ADAMTS2: variants seen among roughly 807,000 people sequenced by gnomAD.
ADAMTS2 encodes A disintegrin and metalloproteinase with thrombospondin motifs 2.
In ADAMTS2, 50 loss-of-function variants were observed where a neutral mutation model predicts 123.0. That is an observed-to-expected ratio of 0.41 (90% CI 0.32 to 0.51). The LOEUF (loss-of-function observed/expected upper bound fraction) is 0.51. Ranked by LOEUF, ADAMTS2 falls within the 20% of genes least tolerant of loss-of-function variation. ADAMTS2 has a pLI of 0.35. For missense variants in ADAMTS2, 1,494 were observed against 1,705.2 expected (o/e 0.88, Z 2.18); for synonymous variants, 678 against 695.4 (o/e 0.98, Z 0.39).
chr5:179,200,170 G>C (rs1435127037), intron 4 of ADAMTS2, among the ~76,000 whole-genome samples: 2 of 151,942 alleles, frequency 1.3e-5, no homozygotes, highest in East Asian at 3.9e-4. Flanking sequence ...AGATATTGAG[G>C]GGAAATAAGA....
intron 2 of ADAMTS2, among the ~76,000 whole-genome samples, chr5:179,320,386 C>T (rs2036688): frequency 0.14 from 21,944 of 152,076 alleles, 1,791 homozygotes; most frequent in African/African-American, 0.22. Context: ...TGACTCACTG[C>T]GAGCTCCACC....
At chr5:179,149,743 C>T (rs796599972) in intron 10 of ADAMTS2, among the ~76,000 whole-genome samples, 13 of 152,346 alleles carry the variant, frequency 8.5e-5, no homozygotes, top group African/African-American at 3.1e-4. Context: ...ATTCTGACAG[C>T]AGCCCGGGAG....
At chr5:179,154,337 C>T in intron 7 of ADAMTS2, 145 bp from the exon 8 acceptor site, 1 of 1,193,080 alleles carries the variant, frequency 8.4e-7, no homozygotes, top group African/African-American at 1.5e-5. Context: ...CACCGACCAT[C>T]TACCTGCTGC....
intron 21 of ADAMTS2, among the ~76,000 whole-genome samples, chr5:179,116,788 C>T (rs985213965): frequency 6.6e-6 from 1 of 152,156 alleles, no homozygotes; most frequent in Non-Finnish European, 1.5e-5. Context: ...GACTTCGGCC[C>T]TGAGCTTCTA....
intron 2 of ADAMTS2, among the ~76,000 whole-genome samples, chr5:179,315,155 C>G (rs1365644552): frequency 7.2e-6 from 1 of 138,948 alleles, no homozygotes. Flanking sequence ...CTCAGACCCT[C>G]CCACCTAACA....
At chr5:179,286,718 CA>C (rs1756031594) in intron 2 of ADAMTS2, among the ~76,000 whole-genome samples, 1 of 152,182 alleles carries the variant, frequency 6.6e-6, no homozygotes, top group Non-Finnish European at 1.5e-5. Flanking sequence ...GCAGCCATCA[CA>C]GGGCAGCACA....
Position 179,225,610 on chromosome 5 carries a change from G to C in ADAMTS2, c.689-17895C>G, listed in dbSNP as rs531925747. Among the ~76,000 whole-genome samples the C allele has an allele frequency of 6.6e-6, 1 of 152,144 alleles. No individual in the cohort carries two copies. Among genetic ancestry groups the C allele is most frequent in the Non-Finnish European group, 1.5e-5 (1 of 68,020 alleles). On this transcript the variant is annotated intron_variant, in intron 3 of 21. Transcript: ENST00000251582. This position sits in a 1 kb window ranked among gnomAD's most constrained non-coding sequence, Gnocchi z 4.5. The stretch of plus-strand genomic sequence containing the variant: ...CAGGCGGCTGGACGTCGAGAGGAAC[G>C]CACCAACGAGCACCAGCACGCTGCA...
In ADAMTS2 at chr5:179,303,447, T is replaced by C. The variant is rs774043585; in HGVS notation, c.535-30383A>G. Among the ~76,000 whole-genome samples the C allele has an allele frequency of 1.6e-4, 25 of 152,296 alleles. No homozygotes were observed. The highest frequency in any genetic ancestry group is 2.8e-4 in the Non-Finnish European group (19 of 68,024). On this transcript the variant is annotated intron_variant, in intron 2 of 21. Transcript: ENST00000251582. This position sits in a 1 kb window ranked among gnomAD's most constrained non-coding sequence, Gnocchi z 4.7. Reference sequence around the variant, plus strand: ...CAGATTGGGGAAGAAGACTAGAATGTGAGGTTCAGCAAACCCGCAGAGTTT... The same window carrying C: ...CAGATTGGGGAAGAAGACTAGAATGCGAGGTTCAGCAAACCCGCAGAGTTT...
At position 179,181,017 on chromosome 5, in the gene ADAMTS2, A is replaced by C; in HGVS notation, c.975+55T>G. Reference sequence around the variant, plus strand: ...CCAAGGAGGCCCATGCCTCACTCCCAGGCCCCTCACTCCGAGGGGGTGGAG... The same window carrying C: ...CCAAGGAGGCCCATGCCTCACTCCCCGGCCCCTCACTCCGAGGGGGTGGAG... On this transcript the variant is annotated intron_variant, in intron 5 of 21. Coordinates refer to ENST00000251582, the MANE Select transcript of ADAMTS2 (RefSeq NM_014244.5). This position sits in a 1 kb window ranked among gnomAD's most constrained non-coding sequence, Gnocchi z 4.1. 7.2e-7 allele frequency: 1 copy of C among 1,392,644 alleles called. No homozygotes were observed. The highest frequency in any genetic ancestry group is 1.0e-6 in the Non-Finnish European group (1 of 979,704). 86.3% of individuals were successfully genotyped at this position (1,392,644 alleles called of 1,614,324 possible).
chr5:179,316,186 C>T (rs989061646), intron 2 of ADAMTS2, among the ~76,000 whole-genome samples: 3 of 152,162 alleles, frequency 2.0e-5, no homozygotes, highest in Admixed American at 6.5e-5. Context: ...GGGCAGCAGA[C>T]GGGAGACAAG....
rs530754247 is a variant in ADAMTS2 at position 179,316,979 on chromosome 5, A to G, written c.534+26788T>C. ...ATTTAATTTTTTAAAAAGAATACAC[A>G]GTGGTGAGAAAGGATGGAAAGAAGA... On this transcript the variant is annotated intron_variant, in intron 2 of 21. Coordinates refer to ENST00000251582, the MANE Select transcript of ADAMTS2 (RefSeq NM_014244.5). Among the ~76,000 whole-genome samples, 7 of 152,294 alleles carry G rather than the reference A, an allele frequency of 4.6e-5. No individual in the cohort carries two copies. The East Asian group carries it at 1.3e-3, about 29-fold the overall frequency.
intron 2 of ADAMTS2, among the ~76,000 whole-genome samples, chr5:179,310,568 G>A (rs1404369646): frequency 6.6e-6 from 1 of 152,142 alleles, no homozygotes; most frequent in African/African-American, 2.4e-5. Context: ...CGGCTGGGGT[G>A]AGGGATGGTG....
intron 2 of ADAMTS2, among the ~76,000 whole-genome samples, chr5:179,289,830 G>A (rs913055626): frequency 5.9e-5 from 9 of 152,176 alleles, no homozygotes; most frequent in Non-Finnish European, 7.3e-5. Flanking sequence ...CCAGAAACAC[G>A]TAAGCTCAAG....
intron 4 of ADAMTS2, 38 bp downstream of exon 4, chr5:179,207,475 T>TCCCCCCCCC: frequency 1.7e-5 from 10 of 588,612 alleles, no homozygotes; most frequent in East Asian, 3.8e-5. Context: ...TGGTTGACCC[T>TCCCCCCCCC]CCCCGCCCCA....
intron 2 of ADAMTS2, among the ~76,000 whole-genome samples, chr5:179,322,399 A>G (rs1757210503): frequency 6.6e-6 from 1 of 152,190 alleles, no homozygotes; most frequent in East Asian, 1.9e-4. Flanking sequence ...GCCCATGGTC[A>G]CACAGGAGGG....
intron 5 of ADAMTS2, among the ~76,000 whole-genome samples, chr5:179,171,380 T>C (rs1469200837): frequency 6.6e-6 from 1 of 152,182 alleles, no homozygotes; most frequent in African/African-American, 2.4e-5. Flanking sequence ...CTAGCCGCTG[T>C]GCCCTCTACC....
rs146295427 is a variant in ADAMTS2, at chr5:179,189,510, G to GTTTT, written c.892-8359_892-8356dup. Among the ~76,000 whole-genome samples, 29 of 78,956 alleles carry GTTTT rather than the reference G, an allele frequency of 3.7e-4. 4 individuals are homozygous for GTTTT. Among genetic ancestry groups the GTTTT allele is most frequent in the African/African-American group, 6.3e-4 (14 of 22,398 alleles). 51.8% of individuals were successfully genotyped at this position (78,956 alleles called of 152,430 possible). On this transcript the variant is annotated intron_variant, in intron 4 of 21. Transcript: ENST00000251582. This position sits in a 1 kb window ranked among gnomAD's most constrained non-coding sequence, Gnocchi z 4.2. ...CTACAGGCGCCCGCCAGTGCGCCTGGTTTTTTTTTTTTTTTTTTTTTTTTT... is the reference window on the plus strand; with the variant it reads ...CTACAGGCGCCCGCCAGTGCGCCTGGTTTTTTTTTTTTTTTTTTTTTTTTTTTTT...
At chr5:179,152,307 C>G in intron 9 of ADAMTS2, 52 bp from the exon 10 acceptor site, 1 of 1,566,464 alleles carries the variant, frequency 6.4e-7, no homozygotes, top group Non-Finnish European at 8.8e-7. Flanking sequence ...AGGGACCTCC[C>G]AGGGATGCCA....
At chr5:179,222,706 G>A (rs2113408945) in intron 3 of ADAMTS2, among the ~76,000 whole-genome samples, 1 of 152,358 alleles carries the variant, frequency 6.6e-6, no homozygotes, top group Middle Eastern at 3.4e-3. Flanking sequence ...TGGGTGGGTG[G>A]CCCTCTGGCC....
Sources: allele counts gnomAD v4.1 joint callset (sites outside exome capture counted in the v4.1 genomes callset), GRCh38; gene constraint gnomAD v4.1.1; non-coding constraint Gnocchi (gnomAD v3.1); transcripts MANE v1.5; gene names NCBI Gene and HGNC (gene_info 2026-07-23, HGNC 2026-07-21).